ANKRD26: variants seen among roughly 807,000 people sequenced by gnomAD.
ANKRD26 encodes the protein ankyrin repeat domain 26, also known as ankyrin repeat domain-containing protein 26.
A neutral mutation model predicts 208.7 loss-of-function variants in ANKRD26; 141 were observed. The observed-to-expected ratio is 0.68, with a 90% CI of 0.59 to 0.78. The LOEUF is 0.78. Among genes scored for constraint, ANKRD26 ranks in the 30% least tolerant of loss-of-function variants. ANKRD26 has a pLI of 0.00. For missense variants in ANKRD26, 1,889 were observed against 1,938.7 expected, an observed-to-expected ratio of 0.97 and a Z score of 0.48; for synonymous variants, 636 against 660.4, an observed-to-expected ratio of 0.96 and a Z score of 0.57.
chr10:27,088,816 A>G (rs949403792), intron 4 of ANKRD26, among the ~76,000 whole-genome samples: 4 of 152,232 alleles, frequency 2.6e-5, no homozygotes, highest in Non-Finnish European at 5.9e-5. Context: ...ATCCCAACTA[A>G]TATTTGCTAG....
chr10:27,075,883 T>TTATTAA (rs2055681162), intron 9 of ANKRD26, among the ~76,000 whole-genome samples: 1 of 152,196 alleles, frequency 6.6e-6, no homozygotes, highest in Non-Finnish European at 1.5e-5. Context: ...TTTAAAAAAC[T>TTATTAA]GAAATCATAT....
intron 25 of ANKRD26, 151 bp from the exon 26 acceptor site, chr10:27,029,507 G>T: frequency 1.3e-6 from 1 of 771,704 alleles, no homozygotes; most frequent in Non-Finnish European, 2.2e-6. Context: ...TGACTGTAGA[G>T]CTGATCTGTT....
chr10:26,980,196 C>T lies in ANKRD26; in HGVS notation c.*281+380G>A, dbSNP rs573579564. On this transcript the variant is annotated intron_variant and NMD_transcript_variant, in intron 5 of 5. Coordinates refer to the ANKRD26 transcript ENST00000674670. ...ATTCCTTTGGGTTCTGGTGGCATTG[C>T]TGGATTTTATTCCAATCCACAAACC... 5.3e-5 allele frequency among the ~76,000 whole-genome samples: 8 copies of T among 152,310 alleles called. No individual in the cohort carries two copies. In the East Asian group the frequency reaches 1.5e-3, roughly 29 times the overall value.
intron 28 of ANKRD26, among the ~76,000 whole-genome samples, chr10:27,023,447 C>T (rs201698640): frequency 1.6e-5 from 2 of 121,260 alleles, no homozygotes; most frequent in East Asian, 4.7e-4. Flanking sequence ...AAGAAAAGTA[C>T]AAAAAAAAAA....
intron 5 of ANKRD26, chr10:26,995,019 T>A (rs1289490729): frequency 6.4e-6 from 3 of 470,330 alleles, no homozygotes; most frequent in Non-Finnish European, 1.3e-5. Context: ...GCTCCCCTCT[T>A]AAATCAGACC....
At chr10:27,046,625 T>A in intron 17 of ANKRD26, 102 bp from the exon 18 acceptor site, 1 of 1,166,168 alleles carries the variant, frequency 8.6e-7, no homozygotes, top group Non-Finnish European at 1.2e-6. Context: ...AAAAATCCAT[T>A]AAAAAGCCAA....
chr10:27,073,563 G>C (rs1269395732), intron 9 of ANKRD26, among the ~76,000 whole-genome samples: 2 of 152,136 alleles, frequency 1.3e-5, no homozygotes, highest in African/African-American at 2.4e-5. Context: ...ACACTTTAGT[G>C]CATATCACTG....
downstream of ANKRD26, among the ~76,000 whole-genome samples, chr10:26,990,960 A>G (rs1400021373): frequency 1.3e-5 from 2 of 152,230 alleles, no homozygotes; most frequent in African/African-American, 2.4e-5. Flanking sequence ...CTTACCTAAT[A>G]ATGGGGACCA....
intron 32 of ANKRD26, among the ~76,000 whole-genome samples, chr10:27,008,687 A>G (rs2052979607): frequency 1.3e-5 from 2 of 152,296 alleles, no homozygotes; most frequent in Non-Finnish European, 2.9e-5. Flanking sequence ...AACTGTCTAG[A>G]CAGAGAAACT....
At chr10:26,949,007 T>C in the ANKRD26 span, among the ~76,000 whole-genome samples, 1 of 152,058 alleles carries the variant, frequency 6.6e-6, no homozygotes, top group Non-Finnish European at 1.5e-5. Context: ...AAAAAATGCA[T>C]TATTAAATAC....
chr10:27,018,664 A>C (rs1334652161), intron 29 of ANKRD26, among the ~76,000 whole-genome samples: 5 of 152,210 alleles, frequency 3.3e-5, no homozygotes, highest in African/African-American at 1.2e-4. Flanking sequence ...CCACAGAATA[A>C]AGAACCTAGA....
intron 5 of ANKRD26, among the ~76,000 whole-genome samples, chr10:27,084,215 T>C (rs112346249): frequency 0.11 from 8,890 of 82,766 alleles, 367 homozygotes; most frequent in Middle Eastern, 0.17. Context: ...CAAAACTACA[T>C]CTCAAAAAAA....
At chr10:27,080,566 G>A (rs955221512) in intron 6 of ANKRD26, 8 of 927,914 alleles carry the variant, frequency 8.6e-6, no homozygotes, top group Non-Finnish European at 1.0e-5. Flanking sequence ...GAGAAAGAAT[G>A]CTGGAGAAAG....
chr10:27,054,351 G>C (rs1589292316), intron 15 of ANKRD26, among the ~76,000 whole-genome samples: 1 of 152,084 alleles, frequency 6.6e-6, no homozygotes, highest in South Asian at 2.1e-4. Flanking sequence ...TTGGGAGGTC[G>C]AGGTGGGTGG....
At chr10:27,011,360 T>C (rs545629336) in intron 32 of ANKRD26, among the ~76,000 whole-genome samples, 26 of 152,292 alleles carry the variant, frequency 1.7e-4, no homozygotes, top group Admixed American at 7.9e-4. Context: ...CTTAAACTCT[T>C]GGGCTCAAGC....
downstream of ANKRD26, among the ~76,000 whole-genome samples, chr10:27,003,910 C>T (rs1399949101): frequency 6.6e-6 from 1 of 152,100 alleles, no homozygotes; most frequent in African/African-American, 2.4e-5. Flanking sequence ...GGTGAAAATC[C>T]CCCATCTTGA....
chr10:27,036,223 C>G (rs750000718), intron 23 of ANKRD26, among the ~76,000 whole-genome samples: 36 of 151,918 alleles, frequency 2.4e-4, no homozygotes, highest in Non-Finnish European at 7.4e-5. Flanking sequence ...CTCTACTTTT[C>G]TCACATCTTT....
chr10:27,009,855 G>A (rs2053031881), intron 32 of ANKRD26, among the ~76,000 whole-genome samples: 1 of 152,058 alleles, frequency 6.6e-6, no homozygotes, highest in African/African-American at 2.4e-5. Flanking sequence ...TTAATAAAGG[G>A]AGCACATCTG....
chr10:26,973,372 GCTTT>G (rs1025878809), downstream of ANKRD26, among the ~76,000 whole-genome samples: 2 of 151,196 alleles, frequency 1.3e-5, no homozygotes, highest in African/African-American at 2.4e-5. Flanking sequence ...CCCTAATGAT[GCTTT>G]CTTTATTTCT....
Sources: allele counts gnomAD v4.1 joint callset (sites outside exome capture counted in the v4.1 genomes callset), GRCh38; gene constraint gnomAD v4.1.1; transcripts MANE v1.5; gene names NCBI Gene and HGNC (gene_info 2026-07-23, HGNC 2026-07-21).